Variants in METTL2B observed in about 807,000 individuals in gnomAD.
The protein encoded by METTL2B is methyltransferase 2B, tRNA N3-cytidine.
In METTL2B, 28 loss-of-function variants were observed where a neutral mutation model predicts 51.0. The observed-to-expected ratio is 0.55, with a 90% CI of 0.41 to 0.75. The LOEUF (loss-of-function observed/expected upper bound fraction) is 0.75, where lower values mean the gene tolerates loss of function less well. Among genes scored for constraint, METTL2B ranks in the 30% least tolerant of loss-of-function variants. The pLI, the probability that METTL2B is intolerant of heterozygous loss-of-function variation, is 0.00. For synonymous variants in METTL2B, 128 were observed against 166.3 expected (o/e 0.77, Z 1.77); for missense variants, 313 against 460.7 (o/e 0.68, Z 2.93).
chr7:128,481,385 G>A lies in METTL2B; in HGVS notation c.608+689G>A, dbSNP rs528585173. Among the ~76,000 whole-genome samples the A allele has an allele frequency of 2.0e-5, 3 of 152,284 alleles. No individual in the cohort carries two copies. In the South Asian group the frequency reaches 6.2e-4, roughly 32 times the overall value. ...ATGCCAGTTGTGAATCTGGCCCTCC[G>A]TGTTTCTGCCCTACAGGCTGTAAAT... On this transcript the variant is annotated intron_variant, in intron 4 of 8. Coordinates refer to ENST00000262432, the MANE Select transcript of METTL2B (RefSeq NM_018396.3).
intron 4 of METTL2B, chr7:128,483,189 G>A (rs1287209888): frequency 2.0e-5 from 3 of 152,292 alleles, no homozygotes; most frequent in Middle Eastern, 3.4e-3. Flanking sequence ...AAAACTGAAT[G>A]TAGATGGCAT....
intron 5 of METTL2B, among the ~76,000 whole-genome samples, chr7:128,492,225 C>T (rs1037835714): frequency 2.6e-5 from 4 of 151,374 alleles, no homozygotes; most frequent in South Asian, 4.2e-4. Flanking sequence ...GGCGTGATCT[C>T]GGCTCGCTGC....
rs370330968 is a variant in METTL2B at position 128,476,795 on chromosome 7, T to C, written c.30T>C (p.Pro10=). The C allele has an allele frequency of 6.2e-7, 1 of 1,614,150 alleles. No homozygotes were observed. Among genetic ancestry groups the C allele is most frequent in the Non-Finnish European group, 8.5e-7 (1 of 1,180,012 alleles). Residue 10 remains proline, a synonymous_variant, in exon 1 of 9, where the codon CCT becomes CCC. Transcript: ENST00000262432. ...CCGGCTCCTACCCTGAAGGTGCACC[T>C]GCAATCCTCGCCGATAAGAGGCAGC... is the stretch of plus-strand genomic sequence containing the variant. MAGSYPEGA[P]AILADKRQQF... is the part of the protein sequence containing the mutation.
intron 6 of METTL2B, 83 bp downstream of exon 6, chr7:128,494,026 C>T (rs144280649): frequency 0.018 from 27,261 of 1,527,872 alleles, 305 homozygotes; most frequent in Non-Finnish European, 0.021. Context: ...GGGTCTTGCT[C>T]CGTCAGCCCA....
rs538635465 is a variant in METTL2B, at chr7:128,505,838, T to G, written c.*3922T>G. On this transcript the variant is annotated 3_prime_UTR_variant, in exon 9 of 9. Transcript: ENST00000262432. The stretch of plus-strand genomic sequence containing the variant: ...TATTTGAGTTTCTTGTGGGGTTATT[T>G]GTTGTTGTTTTTGAGACAGGCTCAC... 8.5e-5 allele frequency: 13 copies of G among 152,270 alleles called. No individual in the cohort carries two copies. Among genetic ancestry groups the G allele is most frequent in the African/African-American group, 2.9e-4 (12 of 41,552 alleles). 9.4% of individuals were successfully genotyped at this position (152,270 alleles called of 1,614,324 possible). A position where few individuals can be genotyped will look rare whatever the true frequency, so the allele number is the denominator to read the frequency against.
chr7:128,501,083 C>T lies in METTL2B; in HGVS notation c.982+115C>T. 3.9e-6 allele frequency: 6 copies of T among 1,550,036 alleles called. 1 individual carries two copies. Among genetic ancestry groups the T allele is most frequent in the South Asian group, 3.8e-5 (3 of 79,182 alleles). On this transcript the variant is annotated intron_variant, in intron 8 of 8. Transcript: ENST00000262432. ...TGCCTTTTAGGCAGGCTGTTTCCTT[C>T]GGTTCCCCGCTGCTCACACCCTCTT...
chr7:128,483,300 G>C (rs1019398211), intron 4 of METTL2B: 16 of 152,198 alleles, frequency 1.1e-4, no homozygotes, highest in Non-Finnish European at 7.3e-5. Flanking sequence ...GAATTGGCAT[G>C]TTTTCTACTG....
chr7:128,500,994 T>C, intron 8 of METTL2B, 26 bp downstream of exon 8: 1 of 1,613,950 alleles, frequency 6.2e-7, no homozygotes, highest in African/African-American at 1.3e-5. Flanking sequence ...CTTTTTACGC[T>C]AAAAGTCCCC....
chr7:128,498,030 C>A lies in METTL2B; in HGVS notation c.810-6C>A, dbSNP rs376658966. The A allele has an allele frequency of 6.2e-7, 1 of 1,613,290 alleles. No individual in the cohort carries two copies. Among genetic ancestry groups the A allele is most frequent in the Non-Finnish European group, 8.5e-7 (1 of 1,179,504 alleles). On this transcript the variant is annotated splice_polypyrimidine_tract_variant and splice_region_variant and intron_variant, in intron 6 of 8. Transcript: ENST00000262432. ...TGATTAACTATAATTCCCTGTGTCTCCACAGGATGCAGAAGGCTATCAACA... is the reference window on the plus strand; with the variant it reads ...TGATTAACTATAATTCCCTGTGTCTACACAGGATGCAGAAGGCTATCAACA...
chr7:128,502,044 C>T lies in METTL2B; in HGVS notation c.*128C>T, dbSNP rs551778236. The stretch of plus-strand genomic sequence containing the variant: ...CTCAGGAGGCTGAGGCAGGGAGGAT[C>T]CATTGAGCCCAGGAGTCCAGCCTGG... On this transcript the variant is annotated 3_prime_UTR_variant, in exon 9 of 9. Coordinates refer to ENST00000262432, the MANE Select transcript of METTL2B (RefSeq NM_018396.3). The T allele has an allele frequency of 4.3e-5, 59 of 1,387,600 alleles. No homozygotes were observed. In the South Asian group the frequency reaches 8.0e-4, roughly 19 times the overall value. The allele number at this position is 1,387,600 out of a possible 1,614,324, so 86.0% of individuals were successfully genotyped here.
At chr7:128,494,454 C>G (rs1480876871) in intron 6 of METTL2B, among the ~76,000 whole-genome samples, 3 of 152,190 alleles carry the variant, frequency 2.0e-5, no homozygotes, top group Non-Finnish European at 4.4e-5. Flanking sequence ...GAAACTTCTG[C>G]AGTAGTTGGT....
chr7:128,486,758 C>G (rs1302569528), intron 4 of METTL2B, among the ~76,000 whole-genome samples: 1 of 152,180 alleles, frequency 6.6e-6, no homozygotes, highest in Non-Finnish European at 1.5e-5. Flanking sequence ...AACCCCGTCT[C>G]TACTAAAAAT....
chr7:128,484,829 C>T (rs1202903001), intron 4 of METTL2B, among the ~76,000 whole-genome samples: 1 of 152,078 alleles, frequency 6.6e-6, no homozygotes, highest in African/African-American at 2.4e-5. Context: ...GATCTGCCTG[C>T]CTCGGCCTGC....
intron 2 of METTL2B, among the ~76,000 whole-genome samples, chr7:128,477,711 C>T (rs1228462231): frequency 6.6e-6 from 1 of 151,500 alleles, no homozygotes; most frequent in East Asian, 1.9e-4. Flanking sequence ...GAGGCCCCTG[C>T]TTGAGAGGTT....
intron 4 of METTL2B, among the ~76,000 whole-genome samples, chr7:128,484,902 A>G (rs1792672243): frequency 6.6e-6 from 1 of 152,080 alleles, no homozygotes; most frequent in African/African-American, 2.4e-5. Flanking sequence ...GTTTTAAGTT[A>G]ATTCACAGAG....
intron 2 of METTL2B, 39 bp from the exon 3 acceptor site, chr7:128,479,119 G>C (rs749267814): frequency 6.5e-7 from 1 of 1,547,838 alleles, no homozygotes; most frequent in Admixed American, 2.0e-5. Flanking sequence ...TAAAATATTT[G>C]AGAGCTGGTT....
chr7:128,496,407 C>T (rs940312186), intron 6 of METTL2B, among the ~76,000 whole-genome samples: 35 of 152,174 alleles, frequency 2.3e-4, no homozygotes, highest in African/African-American at 8.4e-4. Context: ...AAAAAATTAG[C>T]CAGGTGCATA....
rs1799806528 is a variant in METTL2B at position 128,476,875 on chromosome 7, G to A, written c.110G>A (p.Trp37Ter). 1 of 1,614,030 alleles carries A rather than the reference G, an allele frequency of 6.2e-7. No individual in the cohort carries two copies. The highest frequency in any genetic ancestry group is 1.3e-5 in the African/African-American group (1 of 74,926). The change falls in exon 1 of 9, where the codon TGG (tryptophan) becomes TAG (stop). Residue 37 changes from tryptophan (W) to a stop codon, truncating the protein, a stop_gained and splice_region_variant. Transcript: ENST00000262432. LOFTEE classifies it high-confidence loss of function. ...DPARVFHHNA[W>*]DNVEWSEEQA... ...GCGCGCGTCTTCCACCACAATGCCT[G>A]GTAATCACCCTGCCCCCTCGCCCGG...
At position 128,502,954 on chromosome 7, in the gene METTL2B, CT is replaced by C. The variant is rs1793058635; in HGVS notation, c.*1039del. On this transcript the variant is annotated 3_prime_UTR_variant, in exon 9 of 9. Coordinates refer to ENST00000262432, the MANE Select transcript of METTL2B (RefSeq NM_018396.3). Reference sequence around the variant, plus strand: ...CATGGAATTTTAAGCACTGTTCCCCCTCTAACCTATGTCTAAAGAATTAAAA... The same window carrying C: ...CATGGAATTTTAAGCACTGTTCCCCCCTAACCTATGTCTAAAGAATTAAAA... The C allele has an allele frequency of 5.4e-6, 1 of 185,982 alleles. No homozygotes were observed. The highest frequency in any genetic ancestry group is 1.1e-5 in the Non-Finnish European group (1 of 88,156). 11.5% of individuals were successfully genotyped at this position (185,982 alleles called of 1,614,324 possible).
Sources: allele counts gnomAD v4.1 joint callset (sites outside exome capture counted in the v4.1 genomes callset), GRCh38; gene constraint gnomAD v4.1.1; transcripts MANE v1.5; gene names NCBI Gene and HGNC (gene_info 2026-07-23, HGNC 2026-07-21).